Variants in UMAD1 observed in about 807,000 individuals in gnomAD.
UMAD1 encodes UBAP1-MVB12-associated (UMA) domain containing 1.
Under a neutral mutation model 6.1 loss-of-function variants are expected in UMAD1, and 8 were observed. The observed-to-expected ratio is 1.30, with a 90% CI of 0.76 to 2.35. The LOEUF (loss-of-function observed/expected upper bound fraction) is 2.35. Ranked by LOEUF, UMAD1 falls within the 30% of genes most tolerant of loss-of-function variation. The pLI is 0.00. For synonymous variants in UMAD1, 56 were observed against 31.4 expected, an observed-to-expected ratio of 1.78 and a Z score of -2.61; for missense variants, 130 against 78.4, an observed-to-expected ratio of 1.66 and a Z score of -2.49.
At chr7:7,803,781 C>A (rs541443827) in intron 3 of UMAD1, among the ~76,000 whole-genome samples, 1 of 151,852 alleles carries the variant, frequency 6.6e-6, no homozygotes, top group South Asian at 2.1e-4. Flanking sequence ...CTTATAAGGG[C>A]ACTAATCCCA....
intron 2 of UMAD1, among the ~76,000 whole-genome samples, chr7:7,727,243 AC>A (rs2115188606): frequency 6.6e-6 from 1 of 152,324 alleles, no homozygotes; most frequent in South Asian, 2.1e-4. Flanking sequence ...TCATGTATAC[AC>A]TGTGTTAAGA....
intron 3 of UMAD1, among the ~76,000 whole-genome samples, chr7:7,831,316 CAT>C (rs1783462641): frequency 6.6e-6 from 1 of 152,082 alleles, no homozygotes; most frequent in Non-Finnish European, 1.5e-5. Context: ...TTGGAAGTAC[CAT>C]TCATTGGTGA....
chr7:7,663,855 C>G (rs1779364101), intron 1 of UMAD1, among the ~76,000 whole-genome samples: 1 of 152,148 alleles, frequency 6.6e-6, no homozygotes, highest in Non-Finnish European at 1.5e-5. Context: ...TCTCCTATTC[C>G]TACAGATTTA....
At chr7:7,873,939 C>A (rs1324156046) in intron 3 of UMAD1, among the ~76,000 whole-genome samples, 2 of 152,310 alleles carry the variant, frequency 1.3e-5, no homozygotes, top group East Asian at 3.9e-4. Context: ...CCACTTTCTC[C>A]ACCAGATCTC....
At chr7:7,790,981 C>G (rs1250382307) in intron 2 of UMAD1, among the ~76,000 whole-genome samples, 1 of 152,196 alleles carries the variant, frequency 6.6e-6, no homozygotes, top group African/African-American at 2.4e-5. Context: ...ACCTCCGCCT[C>G]CCGGGCTCAA....
intron 2 of UMAD1, among the ~76,000 whole-genome samples, chr7:7,731,052 C>T (rs1781239863): frequency 6.6e-6 from 1 of 152,206 alleles, no homozygotes; most frequent in African/African-American, 2.4e-5. Flanking sequence ...GGCTGGAGTG[C>T]AGTGGCACCA....
chr7:7,865,819 G>A (rs755370770), intron 3 of UMAD1, among the ~76,000 whole-genome samples: 16 of 152,322 alleles, frequency 1.1e-4, no homozygotes, highest in Middle Eastern at 3.4e-3. Context: ...GGACTTTGGA[G>A]TAGATGAGGG....
chr7:7,663,632 C>T (rs1470947854), intron 1 of UMAD1, among the ~76,000 whole-genome samples: 1 of 152,100 alleles, frequency 6.6e-6, no homozygotes. Flanking sequence ...AAATACTGAA[C>T]TTGTTAATTA....
intron 2 of UMAD1, among the ~76,000 whole-genome samples, chr7:7,689,126 A>T (rs1780111088): frequency 6.6e-6 from 1 of 152,102 alleles, no homozygotes; most frequent in Non-Finnish European, 1.5e-5. Context: ...CATTTGCCTA[A>T]GCCAGTCACG....
At chr7:7,711,697 C>G (rs1041011091) in intron 2 of UMAD1, among the ~76,000 whole-genome samples, 8 of 151,984 alleles carry the variant, frequency 5.3e-5, no homozygotes, top group Non-Finnish European at 1.0e-4. Flanking sequence ...TATTGTCTGT[C>G]ATTTAAAAAG....
chr7:7,782,178 TA>T (rs1451962919), intron 2 of UMAD1, among the ~76,000 whole-genome samples: 6 of 151,784 alleles, frequency 4.0e-5, no homozygotes, highest in Non-Finnish European at 7.4e-5. Flanking sequence ...TTTGTTTTTT[TA>T]AGAATACAAT....
At chr7:7,652,741 A>G (rs1347062215) in intron 1 of UMAD1, among the ~76,000 whole-genome samples, 4 of 152,254 alleles carry the variant, frequency 2.6e-5, no homozygotes, top group African/African-American at 9.6e-5. Flanking sequence ...TGAATTAAAT[A>G]GTGAACAAAC....
intron 2 of UMAD1, among the ~76,000 whole-genome samples, chr7:7,753,793 C>T (rs757076521): frequency 1.6e-4 from 24 of 152,136 alleles, no homozygotes; most frequent in Non-Finnish European, 2.4e-4. Context: ...ATATACCCAG[C>T]GGTCAGATTG....
intron 1 of UMAD1, among the ~76,000 whole-genome samples, chr7:7,663,013 GC>G (rs35035941): frequency 0.66 from 100,153 of 151,796 alleles, 33,228 homozygotes; most frequent in East Asian, 0.86. Context: ...CTTTGAAAAA[GC>G]CTTTTTTGCC....
At chr7:7,794,465 C>T (rs1782630840) in intron 2 of UMAD1, among the ~76,000 whole-genome samples, 1 of 152,120 alleles carries the variant, frequency 6.6e-6, no homozygotes, top group African/African-American at 2.4e-5. Context: ...GATCCTAAAC[C>T]CCCACAACAG....
intron 2 of UMAD1, among the ~76,000 whole-genome samples, chr7:7,690,238 G>C (rs1780141571): frequency 6.6e-6 from 1 of 152,030 alleles, no homozygotes; most frequent in Non-Finnish European, 1.5e-5. Flanking sequence ...TACATATTTG[G>C]AAATGTATTT....
intron 2 of UMAD1, among the ~76,000 whole-genome samples, chr7:7,739,140 A>G (rs775371463): frequency 8.6e-5 from 13 of 151,948 alleles, no homozygotes; most frequent in Non-Finnish European, 1.8e-4. Context: ...TAAGTAGCTT[A>G]GATTAATGTA....
At chr7:7,750,304 G>T (rs1022860368) in intron 2 of UMAD1, among the ~76,000 whole-genome samples, 7 of 152,110 alleles carry the variant, frequency 4.6e-5, no homozygotes, top group African/African-American at 1.7e-4. Context: ...TTTCACATCT[G>T]TCAGGCTCTA....
intron 2 of UMAD1, among the ~76,000 whole-genome samples, chr7:7,763,552 G>A (rs535712965): frequency 2.6e-5 from 4 of 152,258 alleles, no homozygotes; most frequent in East Asian, 3.9e-4. Context: ...TAACAAAGAC[G>A]TTTGAATTTT....
Sources: allele counts gnomAD v4.1 joint callset (sites outside exome capture counted in the v4.1 genomes callset), GRCh38; gene constraint gnomAD v4.1.1; transcripts MANE v1.5; gene names NCBI Gene and HGNC (gene_info 2026-07-23, HGNC 2026-07-21).